Variants in EXOC6B observed in about 807,000 individuals in gnomAD.
EXOC6B encodes exocyst complex component 6B, also known as SEC15 homolog B.
EXOC6B carries 54 observed loss-of-function variants against 113.5 expected under a neutral mutation model. The observed-to-expected ratio is 0.48, with a 90% CI of 0.38 to 0.60. The LOEUF (loss-of-function observed/expected upper bound fraction) is 0.60. Ranked by LOEUF, EXOC6B falls within the 20% of genes least tolerant of loss-of-function variation. EXOC6B has a pLI of 0.00. For synonymous variants in EXOC6B, 357 were observed against 339.0 expected, an observed-to-expected ratio of 1.05 and a Z score of -0.58; for missense variants, 797 against 977.5, an observed-to-expected ratio of 0.82 and a Z score of 2.46.
At chr2:72,190,419 C>T (rs940203784) in intron 20 of EXOC6B, among the ~76,000 whole-genome samples, 1 of 152,074 alleles carries the variant, frequency 6.6e-6, no homozygotes, top group Admixed American at 6.5e-5. Context: ...TTTGATTCCC[C>T]CACATTCCAG....
At chr2:72,630,067 G>A (rs1166639901) in intron 6 of EXOC6B, among the ~76,000 whole-genome samples, 1 of 152,172 alleles carries the variant, frequency 6.6e-6, no homozygotes, top group African/African-American at 2.4e-5. Context: ...AGCTTGCCAT[G>A]AGTAGCATTA....
At position 72,184,205 on chromosome 2, in the gene EXOC6B, C is replaced by A; in HGVS notation, c.2197-18G>T. ...TCCAAAAGCTGTAAAATATCCAAAC[C>A]CCACCCCAGGGATTAGTCAGACAGA... On this transcript the variant is annotated intron_variant, in intron 20 of 21. Transcript: ENST00000272427. 7.2e-7 allele frequency: 1 copy of A among 1,388,414 alleles called. No homozygotes were observed. The highest frequency in any genetic ancestry group is 1.0e-6 in the Non-Finnish European group (1 of 998,552). 86.0% of individuals were successfully genotyped at this position (1,388,414 alleles called of 1,614,324 possible).
At chr2:72,615,755 T>C (rs963923785) in intron 6 of EXOC6B, among the ~76,000 whole-genome samples, 3 of 152,196 alleles carry the variant, frequency 2.0e-5, no homozygotes. Flanking sequence ...GTCCTACTTA[T>C]TTTAAAAAAT....
intron 6 of EXOC6B, among the ~76,000 whole-genome samples, chr2:72,659,847 TAAAAG>T (rs1674877277): frequency 6.6e-6 from 1 of 152,270 alleles, no homozygotes; most frequent in East Asian, 1.9e-4. Context: ...ATACAATTCT[TAAAAG>T]AATCATTTTT....
Position 72,825,720 on chromosome 2 carries a change from C to T in EXOC6B, c.113+78G>A. 1 of 1,430,828 alleles carries T rather than the reference C, an allele frequency of 7.0e-7. No homozygotes were observed. Among genetic ancestry groups the T allele is most frequent in the Non-Finnish European group, 9.2e-7 (1 of 1,086,194 alleles). 88.6% of individuals were successfully genotyped at this position (1,430,828 alleles called of 1,614,324 possible). ...GGCCGGCGCCGGACCTGGGGACAGC[C>T]GGCCGGAGGCCCGACCCAGAGGAGC... On this transcript the variant is annotated intron_variant, in intron 1 of 21. Transcript: ENST00000272427. This position sits in a 1 kb window ranked among gnomAD's most constrained non-coding sequence, Gnocchi z 4.4.
At chr2:72,182,975 C>A in intron 21 of EXOC6B, 1 of 1,127,854 alleles carries the variant, frequency 8.9e-7, no homozygotes, top group Non-Finnish European at 1.1e-6. Context: ...CAATCTCTGA[C>A]GTGGTCAGGA....
intron 15 of EXOC6B, among the ~76,000 whole-genome samples, chr2:72,493,563 T>C (rs1182263273): frequency 6.6e-6 from 1 of 152,132 alleles, no homozygotes; most frequent in African/African-American, 2.4e-5. Context: ...CTGAATTCTT[T>C]AAAAACATTT....
intron 7 of EXOC6B, among the ~76,000 whole-genome samples, chr2:72,559,968 G>A (rs1447119557): frequency 6.6e-6 from 1 of 152,144 alleles, no homozygotes; most frequent in East Asian, 1.9e-4. Flanking sequence ...CGGCCTGCCA[G>A]CCAACTTCTG....
At chr2:72,724,348 G>A (rs905138894) in intron 5 of EXOC6B, among the ~76,000 whole-genome samples, 5 of 152,086 alleles carry the variant, frequency 3.3e-5, no homozygotes, top group Admixed American at 2.6e-4. Context: ...GATTATAGAC[G>A]GATCAAGTCT....
At chr2:72,418,177 C>A (rs762398268) in intron 18 of EXOC6B, among the ~76,000 whole-genome samples, 1 of 152,034 alleles carries the variant, frequency 6.6e-6, no homozygotes, top group Non-Finnish European at 1.5e-5. Flanking sequence ...ATTTTAAATT[C>A]ATTTAAAAGA....
intron 8 of EXOC6B, among the ~76,000 whole-genome samples, chr2:72,544,401 G>A (rs776645006): frequency 4.6e-5 from 7 of 151,664 alleles, no homozygotes; most frequent in African/African-American, 1.2e-4. Context: ...TAAACATGAC[G>A]GATTTTTTTT....
intron 1 of EXOC6B, among the ~76,000 whole-genome samples, chr2:72,792,610 C>A (rs1684736703): frequency 6.6e-6 from 1 of 152,136 alleles, no homozygotes; most frequent in Non-Finnish European, 1.5e-5. Context: ...ATGAGCCAGT[C>A]ACTGAGCTAA....
intron 1 of EXOC6B, among the ~76,000 whole-genome samples, chr2:72,810,764 A>G (rs535547947): frequency 1.1e-4 from 17 of 152,212 alleles, no homozygotes; most frequent in Admixed American, 8.5e-4. Flanking sequence ...ACCATACGTC[A>G]GTAAGCAATA....
intron 2 of EXOC6B, among the ~76,000 whole-genome samples, chr2:72,735,548 C>T (rs1680893732): frequency 6.6e-6 from 1 of 152,198 alleles, no homozygotes; most frequent in East Asian, 1.9e-4. Flanking sequence ...GGTGCAGTGG[C>T]TCACACCTGT....
intron 15 of EXOC6B, 48 bp from the exon 16 acceptor site, chr2:72,492,477 T>G: frequency 8.1e-7 from 1 of 1,237,380 alleles, no homozygotes; most frequent in East Asian, 2.3e-5. Context: ...GCAGAATTAT[T>G]TCGGCAAACA....
intron 6 of EXOC6B, among the ~76,000 whole-genome samples, chr2:72,594,341 G>C (rs915326990): frequency 1.2e-4 from 19 of 152,064 alleles, no homozygotes; most frequent in Admixed American, 4.6e-4. Flanking sequence ...TTCAGAAAAT[G>C]GAGGAGAACA....
chr2:72,790,961 T>TG (rs1302872778), intron 1 of EXOC6B, among the ~76,000 whole-genome samples: 1 of 151,886 alleles, frequency 6.6e-6, no homozygotes, highest in Non-Finnish European at 1.5e-5. Flanking sequence ...AAGGGGAGGA[T>TG]GGGGAGCCAT....
intron 20 of EXOC6B, among the ~76,000 whole-genome samples, chr2:72,197,988 G>A (rs1025536056): frequency 3.9e-5 from 6 of 152,190 alleles, no homozygotes; most frequent in African/African-American, 1.4e-4. Flanking sequence ...ACAGAGCAAA[G>A]AGGAGAATGT....
At chr2:72,453,858 T>C (rs1697051405) in intron 18 of EXOC6B, among the ~76,000 whole-genome samples, 1 of 152,144 alleles carries the variant, frequency 6.6e-6, no homozygotes, top group African/African-American at 2.4e-5. Flanking sequence ...CAAGACTGGG[T>C]AATCTATAAA....
Sources: gnomAD v4.1 joint callset for allele counts (sites outside exome capture counted in the v4.1 genomes callset) on GRCh38, gnomAD v4.1.1 for gene constraint, Gnocchi (gnomAD v3.1) non-coding constraint, MANE v1.5 for transcripts, NCBI Gene and HGNC (gene_info 2026-07-23, HGNC 2026-07-21) for gene names.